TBL1X: variants seen among roughly 807,000 people sequenced by gnomAD.
TBL1X encodes the protein F-box-like/WD repeat-containing protein TBL1X.
Under a neutral mutation model 50.7 loss-of-function variants are expected in TBL1X, and 10 were observed. The ratio of observed to expected loss-of-function variants is 0.20; its 90% CI spans 0.12 to 0.33. TBL1X has a LOEUF of 0.33. TBL1X is among the 10% of genes least tolerant of loss of function. TBL1X has a pLI of 1.00. For missense variants in TBL1X, 340 were observed against 504.4 expected, an observed-to-expected ratio of 0.67 and a Z score of 3.12; for synonymous variants, 190 against 214.7, an observed-to-expected ratio of 0.88 and a Z score of 1.01.
intron 16 of TBL1X, among the ~76,000 whole-genome samples, chrX:9,713,994 T>C (rs1380759840): frequency 9.0e-6 from 1 of 111,116 alleles, no homozygotes; most frequent in Non-Finnish European, 1.9e-5. Context: ...AAATTAATTT[T>C]TGTAGAGACG....
rs890294102 is a variant in TBL1X, at chrX:9,717,611, A to C, written c.*1365A>C. Reference sequence around the variant, plus strand: ...TCAAGGGAGCATTGGCAGAACCATAAGGTACTGCAGAAGCCGTCGAAACCG... The same window carrying C: ...TCAAGGGAGCATTGGCAGAACCATACGGTACTGCAGAAGCCGTCGAAACCG... On this transcript the variant is annotated 3_prime_UTR_variant, in exon 18 of 18. Coordinates refer to ENST00000645353, the MANE Select transcript of TBL1X (RefSeq NM_005647.4). 2.7e-5 allele frequency: 3 copies of C among 113,125 alleles called. No homozygotes were observed. Among genetic ancestry groups the C allele is most frequent in the African/African-American group, 9.6e-5 (3 of 31,160 alleles). 9.3% of individuals were successfully genotyped at this position (113,125 alleles called of 1,213,427 possible). A position where few individuals can be genotyped will look rare whatever the true frequency, so the allele number is the denominator to read the frequency against.
chrX:9,529,669 G>A (rs1420583221), intron 2 of TBL1X, among the ~76,000 whole-genome samples: 2 of 109,401 alleles, frequency 1.8e-5, no homozygotes, highest in Admixed American at 9.7e-5. Context: ...ATGGTTGGGC[G>A]CAGTGACTCA....
At chrX:9,513,947 A>G (rs1045459457) in intron 2 of TBL1X, among the ~76,000 whole-genome samples, 2 of 109,207 alleles carry the variant, frequency 1.8e-5, no homozygotes, top group Non-Finnish European at 3.8e-5. Flanking sequence ...CTTTTAAACA[A>G]CCAGCTCTTG....
At chrX:9,679,568 C>T (rs757916708) in intron 5 of TBL1X, among the ~76,000 whole-genome samples, 1 of 112,347 alleles carries the variant, frequency 8.9e-6, no homozygotes, top group Admixed American at 9.4e-5. Context: ...TGTTCTCCTG[C>T]CCTTTAACTA....
chrX:9,568,895 A>G (rs111065341), intron 2 of TBL1X, among the ~76,000 whole-genome samples: 8,558 of 101,360 alleles, frequency 0.084, 288 homozygotes, highest in Middle Eastern at 0.18. Flanking sequence ...CTTGCTGTGC[A>G]TGTTGTCTAT....
chrX:9,709,768 C>T lies in TBL1X; in HGVS notation c.1439+8C>T. The T allele has an allele frequency of 1.7e-6, 2 of 1,206,833 alleles. No homozygotes were observed. Among genetic ancestry groups the T allele is most frequent in the Middle Eastern group, 2.3e-4 (1 of 4,339 alleles). ...CAACATCATGTTGGCAAGGTAAGGG[C>T]AGGCAACACAGCTGGCACAGCTCGG... On this transcript the variant is annotated splice_region_variant and intron_variant, in intron 15 of 17. Transcript: ENST00000645353.
At chrX:9,698,488 T>C (rs1035483093) in intron 12 of TBL1X, among the ~76,000 whole-genome samples, 2 of 112,121 alleles carry the variant, frequency 1.8e-5, no homozygotes, top group Non-Finnish European at 3.8e-5. Context: ...CAGGCCATGC[T>C]GAATTCTTCC....
chrX:9,584,837 G>T (rs1490370656), intron 2 of TBL1X, among the ~76,000 whole-genome samples: 1 of 111,673 alleles, frequency 9.0e-6, no homozygotes, highest in Non-Finnish European at 1.9e-5. Context: ...GGGAGGAGGG[G>T]ACAGGAAGTG....
chrX:9,534,299 A>C (rs191056415), intron 2 of TBL1X, among the ~76,000 whole-genome samples: 1 of 111,183 alleles, frequency 9.0e-6, no homozygotes, highest in East Asian at 2.8e-4. Flanking sequence ...CTGTCATCTG[A>C]ATTTCTTTCA....
chrX:9,654,216 G>T lies in TBL1X; in HGVS notation c.105G>T (p.Glu35Asp), dbSNP rs2082852777. 3.3e-6 allele frequency: 4 copies of T among 1,206,190 alleles called. No homozygotes were observed. Among genetic ancestry groups the T allele is most frequent in the Non-Finnish European group, 4.5e-6 (4 of 893,651 alleles). The change falls in exon 5 of 18, where the codon GAG (glutamate) becomes GAT (aspartate). Residue 35 changes from glutamate (E) to aspartate (D), a missense_variant and splice_region_variant. Coordinates refer to ENST00000645353, the MANE Select transcript of TBL1X (RefSeq NM_005647.4). The stretch of plus-strand genomic sequence containing the variant: ...AAACTCTCTTCTCTTTTTGAACAGA[G>T]GGTGGTTCCCACTTCATCAACACCT... The part of the protein sequence containing the change: ...LHHFQRLRGR[E>D]GGSHFINTSS...
chrX:9,528,717 C>CG (rs1260454499), intron 2 of TBL1X, among the ~76,000 whole-genome samples: 2 of 44,394 alleles, frequency 4.5e-5, no homozygotes, highest in Non-Finnish European at 8.6e-5. Flanking sequence ...TCAGTGGGGG[C>CG]GGGGGGTGCT....
intron 2 of TBL1X, among the ~76,000 whole-genome samples, chrX:9,532,731 C>G (rs1780698215): frequency 9.0e-6 from 1 of 111,427 alleles, no homozygotes. Flanking sequence ...TGGGTCCTAA[C>G]AAGGTCATCC....
At chrX:9,637,201 A>G (rs1290346482) in intron 2 of TBL1X, 3 of 112,087 alleles carry the variant, frequency 2.7e-5, no homozygotes, top group Non-Finnish European at 5.6e-5. Flanking sequence ...ATAGCAGACC[A>G]TTCTGTGTCC....
chrX:9,606,078 G>A (rs557501586), intron 2 of TBL1X, among the ~76,000 whole-genome samples: 5 of 112,179 alleles, frequency 4.5e-5, no homozygotes, highest in East Asian at 5.6e-4. Context: ...TGCAGCCTGC[G>A]CTGCAGCCTT....
intron 2 of TBL1X, among the ~76,000 whole-genome samples, chrX:9,556,021 C>T (rs2082296099): frequency 9.2e-6 from 1 of 108,677 alleles, no homozygotes; most frequent in Non-Finnish European, 1.9e-5. Context: ...AACCTCATCT[C>T]CACAAAAAAA....
chrX:9,648,566 A>G lies in TBL1X; in HGVS notation c.-42-4979A>G, dbSNP rs1053010163. The stretch of plus-strand genomic sequence containing the variant: ...TCTCCTCTTTCTCTGACTTCTTCCA[A>G]AATCGTGGGTCTTGTCTCCATCAGT... On this transcript the variant is annotated intron_variant, in intron 3 of 17. Transcript: ENST00000645353. Among the ~76,000 whole-genome samples the G allele has an allele frequency of 2.7e-5, 3 of 111,984 alleles. No individual in the cohort carries two copies. In the South Asian group the frequency reaches 1.1e-3, roughly 42 times the overall value.
At chrX:9,670,139 G>A (rs915255751) in intron 5 of TBL1X, among the ~76,000 whole-genome samples, 5 of 111,380 alleles carry the variant, frequency 4.5e-5, no homozygotes, top group Non-Finnish European at 7.5e-5. Flanking sequence ...CCATTATGCC[G>A]GCAGTCAAGA....
At chrX:9,500,131 G>A (rs1251880937) in intron 1 of TBL1X, among the ~76,000 whole-genome samples, 2 of 108,576 alleles carry the variant, frequency 1.8e-5, no homozygotes, top group Admixed American at 2.0e-4. Context: ...TAAAAAATTA[G>A]CCAGGCATGG....
intron 2 of TBL1X, chrX:9,534,847 G>A (rs191577976): frequency 9.0e-6 from 1 of 111,308 alleles, no homozygotes; most frequent in East Asian, 2.8e-4. Flanking sequence ...TCATTTGCGG[G>A]ATGGAAACAA....
Sources: gnomAD v4.1 joint callset for allele counts (sites outside exome capture counted in the v4.1 genomes callset) on GRCh38, gnomAD v4.1.1 for gene constraint, MANE v1.5 for transcripts, NCBI Gene and HGNC (gene_info 2026-07-23, HGNC 2026-07-21) for gene names.